The following MAGED1 variants were observed in gnomAD, a reference collection of about 807,000 sequenced individuals.
The protein encoded by MAGED1 is melanoma-associated antigen D1.
Under a neutral mutation model 54.1 loss-of-function variants are expected in MAGED1, and 3 were observed. The ratio of observed to expected loss-of-function variants is 0.06; its 90% CI spans 0.03 to 0.14. The LOEUF is 0.14. Among genes scored for constraint, MAGED1 ranks in the 10% least tolerant of loss-of-function variants. The probability of loss-of-function intolerance (pLI) is 1.00; values close to 1 mark genes in which losing one functional copy is unlikely to be tolerated. For missense variants in MAGED1, 485 were observed against 623.4 expected (o/e 0.78, Z 2.36); for synonymous variants, 217 against 227.3 (o/e 0.95, Z 0.41).
intron 1 of MAGED1, among the ~76,000 whole-genome samples, chrX:51,808,101 C>G (rs1465417309): frequency 8.9e-6 from 1 of 111,886 alleles, no homozygotes; most frequent in African/African-American, 3.2e-5. Flanking sequence ...TAATGATTCC[C>G]TAATATCAAC....
At chrX:51,897,759 G>A (rs1557364480) in intron 6 of MAGED1, 36 bp from the exon 7 acceptor site, 6 of 1,125,665 alleles carry the variant, frequency 5.3e-6, no homozygotes, top group Non-Finnish European at 3.7e-6. Flanking sequence ...TATGCTAGAT[G>A]TTGTAATTTC....
At chrX:51,894,505 G>C in intron 2 of MAGED1, 156 bp downstream of exon 2, 3 of 801,613 alleles carry the variant, frequency 3.7e-6, no homozygotes, top group Non-Finnish European at 5.5e-6. Context: ...TCGAAGGGGG[G>C]GAGGGGCGTC....
chrX:51,816,117 CT>C (rs1280688562), intron 1 of MAGED1, among the ~76,000 whole-genome samples: 151 of 99,484 alleles, frequency 1.5e-3, no homozygotes, highest in South Asian at 0.01. Context: ...CATATTTTGT[CT>C]TTTTTTTTTT....
intron 1 of MAGED1, among the ~76,000 whole-genome samples, chrX:51,810,989 A>C (rs145290205): frequency 0.031 from 3,533 of 112,205 alleles, 70 homozygotes; most frequent in Non-Finnish European, 0.05. Flanking sequence ...TAAATCTGAT[A>C]ATGAAATAAT....
At chrX:51,892,575 C>T (rs999773681), upstream of MAGED1, among the ~76,000 whole-genome samples, 5 of 111,964 alleles carry the variant, frequency 4.5e-5, no homozygotes, top group Admixed American at 2.8e-4. Flanking sequence ...GGAGCAATTC[C>T]CACGCCTGGA....
At chrX:51,843,126 A>G (rs1028341762) in intron 1 of MAGED1, among the ~76,000 whole-genome samples, 4 of 111,993 alleles carry the variant, frequency 3.6e-5, no homozygotes, top group Admixed American at 9.4e-5. Context: ...AATTGAACAC[A>G]TTAACTGTTG....
chrX:51,814,986 A>G (rs926388878), intron 1 of MAGED1, among the ~76,000 whole-genome samples: 33 of 106,084 alleles, frequency 3.1e-4, no homozygotes, highest in Non-Finnish European at 3.3e-4. Flanking sequence ...AAAAAAAAAA[A>G]AAAGAAATTA....
chrX:51,847,187 G>A (rs1312383641), intron 1 of MAGED1, among the ~76,000 whole-genome samples: 1 of 111,696 alleles, frequency 9.0e-6, no homozygotes, highest in African/African-American at 3.3e-5. Flanking sequence ...GAAATAAAGT[G>A]TACAAATACA....
intron 1 of MAGED1, among the ~76,000 whole-genome samples, chrX:51,832,109 T>A (rs1472323437): frequency 9.0e-6 from 1 of 111,547 alleles, no homozygotes; most frequent in Non-Finnish European, 1.9e-5. Flanking sequence ...GGCGGTTCAC[T>A]GCAGCTCCGC....
At chrX:51,867,906 A>C (rs894397689) in intron 1 of MAGED1, among the ~76,000 whole-genome samples, 1 of 112,175 alleles carries the variant, frequency 8.9e-6, no homozygotes, top group African/African-American at 3.2e-5. Flanking sequence ...GAACTTGTCT[A>C]TCTCTTCAGG....
chrX:51,874,242 A>C (rs926191367), intron 1 of MAGED1, among the ~76,000 whole-genome samples: 2 of 111,316 alleles, frequency 1.8e-5, no homozygotes, highest in Non-Finnish European at 3.8e-5. Context: ...GTAATCGCAG[A>C]CTCAAATATT....
intron 1 of MAGED1, among the ~76,000 whole-genome samples, chrX:51,874,932 A>G (rs1216690095): frequency 2.7e-5 from 3 of 110,374 alleles, no homozygotes; most frequent in Non-Finnish European, 5.7e-5. Flanking sequence ...CTACAAAGCT[A>G]CCTGAGCTTT....
At chrX:51,892,660 C>T (rs1428920661), upstream of MAGED1, among the ~76,000 whole-genome samples, 2 of 111,493 alleles carry the variant, frequency 1.8e-5, no homozygotes, top group East Asian at 5.7e-4. Context: ...GAGCTTGGGC[C>T]TCCTAGAACA....
intron 1 of MAGED1, among the ~76,000 whole-genome samples, chrX:51,862,435 T>A (rs1440242961): frequency 4.5e-5 from 5 of 111,625 alleles, no homozygotes; most frequent in Non-Finnish European, 9.4e-5. Context: ...TAGAACATTA[T>A]CAGTACTTTA....
intron 1 of MAGED1, among the ~76,000 whole-genome samples, chrX:51,861,939 C>G (rs1602243967): frequency 9.0e-6 from 1 of 111,604 alleles, no homozygotes; most frequent in African/African-American, 3.3e-5. Context: ...GCCTTGGCCT[C>G]CCAAAATATC....
chrX:51,831,150 C>G (rs1926051064), intron 1 of MAGED1, among the ~76,000 whole-genome samples: 1 of 112,214 alleles, frequency 8.9e-6, no homozygotes, highest in South Asian at 3.7e-4. Flanking sequence ...AGCCACTGCA[C>G]CCGGCCTTCT....
intron 2 of MAGED1, 109 bp downstream of exon 2, chrX:51,894,458 A>G (rs1458867568): frequency 1.2e-6 from 1 of 858,779 alleles, no homozygotes; most frequent in East Asian, 3.4e-5. Flanking sequence ...CTATTTAGTG[A>G]CTAGACTCCG....
At chrX:51,882,413 T>A (rs1166964268) in intron 1 of MAGED1, among the ~76,000 whole-genome samples, 2 of 111,505 alleles carry the variant, frequency 1.8e-5, no homozygotes, top group African/African-American at 3.3e-5. Context: ...GTATTTTCCC[T>A]ATTCATCTCT....
intron 1 of MAGED1, among the ~76,000 whole-genome samples, chrX:51,867,553 G>A (rs1927500415): frequency 9.0e-6 from 1 of 111,447 alleles, no homozygotes; most frequent in Non-Finnish European, 1.9e-5. Flanking sequence ...ATATTCGCTG[G>A]CAGCTGATTA....
Sources: gnomAD v4.1 joint callset for allele counts (sites outside exome capture counted in the v4.1 genomes callset) on GRCh38, gnomAD v4.1.1 for gene constraint, MANE v1.5 for transcripts, NCBI Gene and HGNC (gene_info 2026-07-23, HGNC 2026-07-21) for gene names.